The following ZNF423 variants were observed in gnomAD, a reference collection of about 807,000 sequenced individuals.
The protein encoded by ZNF423 is Ebf-associated zinc finger protein.
ZNF423 carries 12 observed loss-of-function variants against 95.8 expected under a neutral mutation model. The ratio of observed to expected loss-of-function variants is 0.13; its 90% confidence interval spans 0.08 to 0.20. The LOEUF is 0.20. Ranked by LOEUF, ZNF423 falls within the 10% of genes least tolerant of loss-of-function variation. ZNF423 has a pLI of 1.00. For synonymous variants in ZNF423, 749 were observed against 711.9 expected, an observed-to-expected ratio of 1.05 and a Z score of -0.83; for missense variants, 1,316 against 1,737.1, an observed-to-expected ratio of 0.76 and a Z score of 4.31.
intron 3 of ZNF423, among the ~76,000 whole-genome samples, chr16:49,673,469 G>A (rs979388987): frequency 6.6e-6 from 1 of 152,216 alleles, no homozygotes; most frequent in Admixed American, 6.5e-5. Context: ...CTGGACTGCG[G>A]GTGCTTGTTA....
chr16:49,560,805 C>T (rs1054112691), intron 5 of ZNF423, among the ~76,000 whole-genome samples: 1 of 152,220 alleles, frequency 6.6e-6, no homozygotes, highest in Admixed American at 6.5e-5. Context: ...TGAAGACAAG[C>T]CAGTGTTGCT....
intron 3 of ZNF423, among the ~76,000 whole-genome samples, chr16:49,678,344 T>C (rs921900024): frequency 2.6e-5 from 4 of 151,402 alleles, no homozygotes; most frequent in Admixed American, 2.0e-4. Flanking sequence ...AGGGGCACCA[T>C]AAAAAAGTTA....
chr16:49,802,950 T>C (rs1420826612), intron 1 of ZNF423, among the ~76,000 whole-genome samples: 1 of 152,144 alleles, frequency 6.6e-6, no homozygotes, highest in Non-Finnish European at 1.5e-5. Flanking sequence ...TGAACATCCT[T>C]TCACATCAAA....
At chr16:49,848,873 G>A (rs531891753) in intron 1 of ZNF423, among the ~76,000 whole-genome samples, 1 of 152,156 alleles carries the variant, frequency 6.6e-6, no homozygotes, top group African/African-American at 2.4e-5. Context: ...TATCAGGCAG[G>A]AGGATGCTCC....
chr16:49,858,445 CA>C (rs1179812246), upstream of ZNF423, among the ~76,000 whole-genome samples: 1 of 150,342 alleles, frequency 6.7e-6, no homozygotes, highest in East Asian at 2.0e-4. This position sits in a 1 kb window ranked among gnomAD's most constrained non-coding sequence, Gnocchi z 4.3. Context: ...AGGCCTGAGG[CA>C]GGGGGGCCAG....
intron 1 of ZNF423, among the ~76,000 whole-genome samples, chr16:49,809,492 AG>A (rs2034717713): frequency 6.6e-6 from 1 of 152,216 alleles, no homozygotes. Context: ...AAGCCAGTGC[AG>A]CCTGTGTGTA....
At chr16:49,539,546 TA>T (rs1265714687) in intron 5 of ZNF423, among the ~76,000 whole-genome samples, 1 of 152,156 alleles carries the variant, frequency 6.6e-6, no homozygotes, top group Non-Finnish European at 1.5e-5. Context: ...CCCCACCATG[TA>T]AAATGAGAAT....
intron 3 of ZNF423, among the ~76,000 whole-genome samples, chr16:49,697,587 T>C (rs995303241): frequency 4.6e-5 from 7 of 152,028 alleles, no homozygotes; most frequent in African/African-American, 1.7e-4. Context: ...CAAAAGACTC[T>C]AGGGAAATTT....
At chr16:49,702,513 G>A (rs71382764) in intron 3 of ZNF423, among the ~76,000 whole-genome samples, 3 of 152,114 alleles carry the variant, frequency 2.0e-5, no homozygotes, top group African/African-American at 4.8e-5. Context: ...ACTGCAAGGC[G>A]TCATGCCGAT....
chr16:49,637,424 G>A lies in ZNF423; in HGVS notation c.1752C>T (p.Ser584=). 1 of 1,614,162 alleles carries A rather than the reference G, an allele frequency of 6.2e-7. No homozygotes were observed. The highest frequency in any genetic ancestry group is 8.5e-7 in the Non-Finnish European group (1 of 1,180,038). Reference sequence around the variant, plus strand: ...TGATGTGCTTGGTGAGTTTCAGGATGGAGCCAAAGATGGGGGAGTTGGTGC... The same window carrying A: ...TGATGTGCTTGGTGAGTTTCAGGATAGAGCCAAAGATGGGGGAGTTGGTGC... ...PYCTNSPIFG[S]ILKLTKHIKE... is the part of the protein sequence containing the mutation. Residue 584 remains serine, a synonymous_variant, in exon 4 of 8, where the codon TCC becomes TCT. Transcript: ENST00000563137. This position sits in a 1 kb window ranked among gnomAD's most constrained non-coding sequence, Gnocchi z 5.6.
chr16:49,510,614 A>AGTGTCT (rs1273771243), intron 7 of ZNF423, among the ~76,000 whole-genome samples: 1 of 152,138 alleles, frequency 6.6e-6, no homozygotes, highest in Admixed American at 6.5e-5. Flanking sequence ...GTCTGACAGG[A>AGTGTCT]GTGTCTGTGT....
intron 1 of ZNF423, among the ~76,000 whole-genome samples, chr16:49,851,745 G>A (rs536212287): frequency 1.3e-5 from 2 of 152,324 alleles, no homozygotes; most frequent in South Asian, 4.1e-4. Flanking sequence ...CCCTGCCAGA[G>A]GCACATAGTT....
intron 7 of ZNF423, 84 bp downstream of exon 7, chr16:49,523,540 C>T: frequency 8.5e-7 from 1 of 1,172,426 alleles, no homozygotes; most frequent in South Asian, 1.3e-5. Flanking sequence ...ACTCCACCAG[C>T]TTGCCTTAAC....
At chr16:49,796,127 C>T (rs892357731) in intron 1 of ZNF423, among the ~76,000 whole-genome samples, 1 of 152,108 alleles carries the variant, frequency 6.6e-6, no homozygotes, top group Non-Finnish European at 1.5e-5. Flanking sequence ...GGCTGATTGA[C>T]GAATGGGAGT....
intron 3 of ZNF423, among the ~76,000 whole-genome samples, chr16:49,718,706 C>T (rs1356187799): frequency 6.6e-6 from 1 of 152,126 alleles, no homozygotes; most frequent in East Asian, 1.9e-4. Flanking sequence ...GGTGAGGGCG[C>T]ATTTCTCATA....
Position 49,636,918 on chromosome 16 carries a change from T to C in ZNF423, c.2258A>G (p.Asn753Ser), listed in dbSNP as rs1296433100. 4 of 1,613,740 alleles carry C rather than the reference T, an allele frequency of 2.5e-6. No homozygotes were observed. The highest frequency in any genetic ancestry group is 2.7e-5 in the African/African-American group (2 of 74,942). Reference sequence around the variant, plus strand: ...CGTGCAGCGGTACATCTTCTTCTCATTGCTGTGCTTCACCGCCAGGTGCAC... The same window carrying C: ...CGTGCAGCGGTACATCTTCTTCTCACTGCTGTGCTTCACCGCCAGGTGCAC... Reference protein sequence around the residue: ...IQVHLAVKHSNEKKMYRCTAC... With the variant: ...IQVHLAVKHSSEKKMYRCTAC... Residue 753 changes from asparagine to serine, a missense_variant, in exon 4 of 8, where the codon AAT becomes AGT. Asn to Ser is a conservative substitution (Grantham distance 46, BLOSUM62 1). Around this residue, in one of 6 missense-constraint regions of ZNF423, gnomAD observed 620 missense variants for 775.6 expected, o/e 0.80. Coordinates refer to ENST00000563137, the MANE Select transcript of ZNF423 (RefSeq NM_001379286.1). The surrounding 1 kb of genome is among the most constrained non-coding windows in gnomAD (Gnocchi z 8.6).
Position 49,491,081 on chromosome 16 carries a change from G to T in ZNF423, c.*194C>A. 1.6e-6 allele frequency: 1 copy of T among 642,906 alleles called. No individual in the cohort carries two copies. Among genetic ancestry groups the T allele is most frequent in the South Asian group, 1.9e-5 (1 of 53,602 alleles). The allele number at this position is 642,906 out of a possible 1,614,324, so 39.8% of individuals were successfully genotyped here. A position where few individuals can be genotyped will look rare whatever the true frequency, so the allele number is the denominator to read the frequency against. On this transcript the variant is annotated 3_prime_UTR_variant, in exon 8 of 8. Coordinates refer to ENST00000563137, the MANE Select transcript of ZNF423 (RefSeq NM_001379286.1). The stretch of plus-strand genomic sequence containing the variant: ...GTAGCAGGACAATAAAAAATACTGA[G>T]CATGGAATACTTTTAATCTCTGCCA...
chr16:49,616,466 T>C (rs1971878887), intron 5 of ZNF423, among the ~76,000 whole-genome samples: 1 of 152,076 alleles, frequency 6.6e-6, no homozygotes, highest in Admixed American at 6.5e-5. Flanking sequence ...TTAAAATAAC[T>C]AAAAGAGTAT....
chr16:49,512,069 T>C (rs1305072541), intron 7 of ZNF423, among the ~76,000 whole-genome samples: 2 of 152,182 alleles, frequency 1.3e-5, no homozygotes, highest in African/African-American at 4.8e-5. Context: ...CATCACATTA[T>C]ATTATATTCC....
Sources: gnomAD v4.1 joint callset for allele counts (sites outside exome capture counted in the v4.1 genomes callset) on GRCh38, gnomAD v4.1.1 for gene constraint, gnomAD v4.1.1 regional missense constraint, Gnocchi (gnomAD v3.1) non-coding constraint, MANE v1.5 for transcripts, NCBI Gene and HGNC (gene_info 2026-07-23, HGNC 2026-07-21) for gene names.